MEGF11: variants seen among roughly 807,000 people sequenced by gnomAD.
MEGF11 encodes multiple EGF like domains 11.
MEGF11 carries 126 observed loss-of-function variants against 146.6 expected under a neutral mutation model. The ratio of observed to expected loss-of-function variants is 0.86; its 90% CI spans 0.74 to 1.00. The LOEUF is 1.00. MEGF11 is among the 50% of genes least tolerant of loss of function. The pLI is 0.00. For synonymous variants in MEGF11, 532 were observed against 583.4 expected, an observed-to-expected ratio of 0.91 and a Z score of 1.27; for missense variants, 1,509 against 1,521.2, an observed-to-expected ratio of 0.99 and a Z score of 0.13.
chr15:66,251,272 C>G (rs2092366490), intron 1 of MEGF11, among the ~76,000 whole-genome samples: 1 of 152,218 alleles, frequency 6.6e-6, no homozygotes, highest in East Asian at 1.9e-4. Context: ...ACCCTCCTTC[C>G]CCAAATGGAA....
intron 5 of MEGF11, among the ~76,000 whole-genome samples, chr15:66,062,341 G>T (rs1238325577): frequency 6.6e-6 from 1 of 152,230 alleles, no homozygotes; most frequent in East Asian, 1.9e-4. Context: ...TTGCTAGCAT[G>T]CACTAGAAAG....
Position 66,199,415 on chromosome 15 carries a change from T to C in MEGF11, c.-9+54190A>G, listed in dbSNP as rs1597148068. On this transcript the variant is annotated intron_variant, in intron 1 of 25. Transcript: ENST00000395614. ...CCGTCAAGTCTCCACTCCGCTGCTA[T>C]TTGCTGTCAATCTCTGGCTTGCTCT... 3.3e-5 allele frequency among the ~76,000 whole-genome samples: 5 copies of C among 152,216 alleles called. 1 individual carries two copies. Among genetic ancestry groups the C allele is most frequent in the African/African-American group, 1.2e-4 (5 of 41,532 alleles).
chr15:66,080,340 C>T (rs1445755058), intron 5 of MEGF11, among the ~76,000 whole-genome samples: 1 of 152,090 alleles, frequency 6.6e-6, no homozygotes, highest in Non-Finnish European at 1.5e-5. Flanking sequence ...CCTCTCTGTG[C>T]CTCAGATTCT....
chr15:66,011,335 G>A (rs933743834), intron 5 of MEGF11, among the ~76,000 whole-genome samples: 3 of 152,194 alleles, frequency 2.0e-5, no homozygotes, highest in African/African-American at 7.2e-5. Flanking sequence ...TCCTGGGTAA[G>A]CCATTGCCCA....
At chr15:66,079,218 G>A (rs560931307) in intron 5 of MEGF11, among the ~76,000 whole-genome samples, 44 of 152,114 alleles carry the variant, frequency 2.9e-4, no homozygotes, top group Admixed American at 2.9e-3. Context: ...TTCTTGGGGG[G>A]ACAGATGAGG....
chr15:66,119,634 C>T (rs930727229), intron 3 of MEGF11, among the ~76,000 whole-genome samples: 1 of 148,360 alleles, frequency 6.7e-6, no homozygotes, highest in Non-Finnish European at 1.5e-5. Context: ...GAGTATTGGT[C>T]CCCCCACTTG....
At position 65,937,441 on chromosome 15, in the gene MEGF11, C is replaced by T. The variant is rs1438426474; in HGVS notation, c.1288-6498G>A. Among the ~76,000 whole-genome samples, 2 of 152,250 alleles carry T rather than the reference C, an allele frequency of 1.3e-5. 1 individual carries two copies. The highest frequency in any genetic ancestry group is 1.3e-4 in the Admixed American group (2 of 15,284). On this transcript the variant is annotated intron_variant, in intron 10 of 25. Transcript: ENST00000395614. ...TCCTGCTAGAAGTAGTCTATCTTCTCTTCCGATAGATTCATGTTAATGCAA... is the reference window on the plus strand; with the variant it reads ...TCCTGCTAGAAGTAGTCTATCTTCTTTTCCGATAGATTCATGTTAATGCAA...
chr15:65,924,375 G>GC (rs1301363380), intron 13 of MEGF11, among the ~76,000 whole-genome samples: 2 of 111,796 alleles, frequency 1.8e-5, no homozygotes, highest in Admixed American at 8.4e-5. Flanking sequence ...GGTGTGGGTG[G>GC]GGGGGGGGGC....
At chr15:66,078,376 T>C (rs2140516458) in intron 5 of MEGF11, among the ~76,000 whole-genome samples, 1 of 152,262 alleles carries the variant, frequency 6.6e-6, no homozygotes, top group South Asian at 2.1e-4. Context: ...ACACTTGCCG[T>C]AGCCGAGTGA....
rs138529080 is a variant in MEGF11, at chr15:65,962,438, A to G, written c.1112+2470T>C. On this transcript the variant is annotated intron_variant, in intron 9 of 25. Transcript: ENST00000395614. The stretch of plus-strand genomic sequence containing the variant: ...TACTGGCATCTAGTGGGTAGAGGCC[A>G]GGGATGCTGCTCAACATTCTACAAA... Among the ~76,000 whole-genome samples, 445 of 152,330 alleles carry G rather than the reference A, an allele frequency of 2.9e-3. 2 individuals carry two copies. Among genetic ancestry groups the G allele is most frequent in the African/African-American group, 0.01 (436 of 41,568 alleles).
chr15:65,945,704 C>T (rs956469935), intron 10 of MEGF11, among the ~76,000 whole-genome samples: 27 of 152,160 alleles, frequency 1.8e-4, no homozygotes, highest in African/African-American at 5.8e-4. Context: ...ACCTGGGGAA[C>T]GGACACCTCC....
At chr15:66,036,448 A>G (rs1281586394) in intron 5 of MEGF11, among the ~76,000 whole-genome samples, 4 of 152,206 alleles carry the variant, frequency 2.6e-5, no homozygotes, top group Non-Finnish European at 4.4e-5. Flanking sequence ...TTTCACGGCC[A>G]CACAGCATTC....
chr15:65,957,464 C>G, intron 10 of MEGF11, 83 bp downstream of exon 10: 1 of 1,358,862 alleles, frequency 7.4e-7, no homozygotes, highest in Non-Finnish European at 1.0e-6. Flanking sequence ...GGGTGCAGGG[C>G]CACAGTCCTG....
At chr15:66,068,704 G>C (rs1006250379) in intron 5 of MEGF11, among the ~76,000 whole-genome samples, 13 of 152,182 alleles carry the variant, frequency 8.5e-5, no homozygotes, top group African/African-American at 3.1e-4. Flanking sequence ...TTCCAGAATG[G>C]AAGAGGCTGG....
chr15:66,204,719 C>T (rs974732729), intron 1 of MEGF11, among the ~76,000 whole-genome samples: 1 of 152,190 alleles, frequency 6.6e-6, no homozygotes, highest in African/African-American at 2.4e-5. Flanking sequence ...CATTCTTGTC[C>T]TCTTCTGCAT....
At chr15:66,055,827 A>G (rs557375631) in intron 5 of MEGF11, among the ~76,000 whole-genome samples, 3 of 152,262 alleles carry the variant, frequency 2.0e-5, no homozygotes, top group African/African-American at 7.2e-5. Context: ...GAGGCTCTGC[A>G]GTTGAGGGGT....
intron 1 of MEGF11, among the ~76,000 whole-genome samples, chr15:66,156,597 A>C (rs1488407756): frequency 6.6e-6 from 1 of 151,244 alleles, no homozygotes; most frequent in African/African-American, 2.4e-5. Context: ...CCCTGAGTCA[A>C]GACTCCTGCC....
intron 1 of MEGF11, among the ~76,000 whole-genome samples, chr15:66,241,303 TG>T (rs2092203370): frequency 6.6e-6 from 1 of 152,172 alleles, no homozygotes; most frequent in Non-Finnish European, 1.5e-5. Flanking sequence ...CAGAGGCTTC[TG>T]GGGCTTCTAT....
At chr15:65,935,480 T>C (rs1456221151) in intron 10 of MEGF11, among the ~76,000 whole-genome samples, 1 of 152,036 alleles carries the variant, frequency 6.6e-6, no homozygotes, top group East Asian at 1.9e-4. Flanking sequence ...GTGTCAGAAT[T>C]GAATTGGAGG....
Sources: allele counts gnomAD v4.1 joint callset (sites outside exome capture counted in the v4.1 genomes callset), GRCh38; gene constraint gnomAD v4.1.1; transcripts MANE v1.5; gene names NCBI Gene and HGNC (gene_info 2026-07-23, HGNC 2026-07-21).